The following ABCA8 variants were observed in gnomAD, a reference collection of about 807,000 sequenced individuals.
ABCA8 encodes the protein ATP binding cassette subfamily A member 8.
ABCA8 carries 177 observed loss-of-function variants against 192.3 expected under a neutral mutation model. The ratio of observed to expected loss-of-function variants is 0.92; its 90% CI spans 0.81 to 1.04. The LOEUF is 1.04. Among genes scored for constraint, ABCA8 ranks in the 50% least tolerant of loss-of-function variants. ABCA8 has a pLI of 0.00. For missense variants in ABCA8, 1,915 were observed against 1,904.8 expected, an observed-to-expected ratio of 1.01 and a Z score of -0.10; for synonymous variants, 642 against 690.2, an observed-to-expected ratio of 0.93 and a Z score of 1.09.
At chr17:68,931,987 G>A (rs1250216813) in intron 7 of ABCA8, 1 of 216,052 alleles carries the variant, frequency 4.6e-6, no homozygotes, top group African/African-American at 2.2e-5. Context: ...GAGGTGGGTG[G>A]ATCACGAGGT....
At chr17:68,905,186 G>C (rs577914321) in intron 19 of ABCA8, among the ~76,000 whole-genome samples, 39 of 152,176 alleles carry the variant, frequency 2.6e-4, no homozygotes, top group African/African-American at 9.2e-4. Flanking sequence ...TCTGGCCATT[G>C]TTTACCTCAG....
At chr17:68,920,012 A>G (rs1454438697) in intron 13 of ABCA8, 1 of 152,458 alleles carries the variant, frequency 6.6e-6, no homozygotes, top group African/African-American at 2.4e-5. Flanking sequence ...ATGCCTATCA[A>G]AGACAGACTA....
In ABCA8 at chr17:68,919,301, C is replaced by T; in HGVS notation, c.1788G>A (p.Glu596=). 1.3e-6 allele frequency: 2 copies of T among 1,593,540 alleles called. No individual in the cohort carries two copies. Among genetic ancestry groups the T allele is most frequent in the South Asian group, 1.2e-5 (1 of 86,668 alleles). Residue 596 remains glutamate (E), a splice_region_variant and synonymous_variant, in exon 14 of 40, where the codon GAG becomes GAA. Coordinates refer to ENST00000586539, the MANE Select transcript of ABCA8 (RefSeq NM_001288985.2). ...CATTAACTTTAACATATTTTTGTAC[C>T]TCTTTATCCACTTCTTGTGGCAGAA... ...KGILPQEVDK[E]IQRVLLELEM...
rs1460889283 is a variant in ABCA8 at position 68,918,068 on chromosome 17, C to T, written c.2026G>A (p.Asp676Asn). 6.2e-7 allele frequency: 1 copy of T among 1,614,140 alleles called. No homozygotes were observed. The highest frequency in any genetic ancestry group is 1.3e-5 in the African/African-American group (1 of 75,048). ...RVILFSTQFM[D>N]EADILADRKV... is the part of the protein sequence containing the mutation. The stretch of plus-strand genomic sequence containing the variant: ...TTACCCGCCAGGATGTCGGCCTCAT[C>T]CATGAACTGGGTACTGAAGAGGATC... Residue 676 changes from aspartate to asparagine, a missense_variant, in exon 16 of 40, where the codon GAT becomes AAT. Asp to Asn is a conservative substitution (Grantham distance 23). Coordinates refer to ENST00000586539, the MANE Select transcript of ABCA8 (RefSeq NM_001288985.2).
chr17:68,925,009 A>T, intron 10 of ABCA8, 140 bp from the exon 11 acceptor site: 1 of 720,968 alleles, frequency 1.4e-6, no homozygotes, highest in Non-Finnish European at 2.2e-6. Flanking sequence ...ACGTTTTGAC[A>T]CATGTAGCTT....
At chr17:68,907,379 A>G (rs537015361) in intron 18 of ABCA8, among the ~76,000 whole-genome samples, 2 of 152,190 alleles carry the variant, frequency 1.3e-5, no homozygotes, top group South Asian at 4.2e-4. Flanking sequence ...TTATTGCAAA[A>G]GTCTCACCGA....
rs1286294982 is a variant in ABCA8, at chr17:68,911,821, C to G, written c.2139-3942G>C. 6.6e-6 allele frequency among the ~76,000 whole-genome samples: 1 copy of G among 151,920 alleles called. No homozygotes were observed. Among genetic ancestry groups the G allele is most frequent in the Non-Finnish European group, 1.5e-5 (1 of 68,002 alleles). ...GGAACAAGCATCTCTGCCTGGTAAT[C>G]CAAAGTATTCTCCAAGAGCACCAAA... On this transcript the variant is annotated intron_variant, in intron 17 of 39. Transcript: ENST00000586539. The surrounding 1 kb of genome is among the most constrained non-coding windows in gnomAD (Gnocchi z 5.7).
chr17:68,932,197 G>C lies in ABCA8; in HGVS notation c.797+91C>G, dbSNP rs1353997561. The C allele has an allele frequency of 3.1e-6, 3 of 981,684 alleles. No homozygotes were observed. The East Asian group carries it at 8.0e-5, about 26-fold the overall frequency. 60.8% of individuals were successfully genotyped at this position (981,684 alleles called of 1,614,324 possible). On this transcript the variant is annotated intron_variant, in intron 7 of 39. Coordinates refer to ENST00000586539, the MANE Select transcript of ABCA8 (RefSeq NM_001288985.2). ...TGCACTCCAGCCTGGGCGACAGAGC[G>C]AGACTCCATTTCAAAAAAAAAAAGA... is the stretch of plus-strand genomic sequence containing the variant.
intron 2 of ABCA8, among the ~76,000 whole-genome samples, chr17:68,946,709 C>T (rs1184530727): frequency 1.3e-5 from 2 of 152,116 alleles, no homozygotes; most frequent in East Asian, 3.9e-4. Flanking sequence ...GAGGCTGAGG[C>T]AGGCGGATAA....
intron 2 of ABCA8, chr17:68,944,860 G>C (rs1361914054): frequency 1.3e-5 from 2 of 152,102 alleles, no homozygotes; most frequent in African/African-American, 2.4e-5. Flanking sequence ...TCACCACGGC[G>C]GGGGAGAGGA....
At chr17:68,870,914 T>C (rs1461969947) in intron 37 of ABCA8, among the ~76,000 whole-genome samples, 1 of 152,160 alleles carries the variant, frequency 6.6e-6, no homozygotes, top group Non-Finnish European at 1.5e-5. Context: ...TTTGAGAATC[T>C]ACCATATTGC....
In ABCA8 at chr17:68,868,198, G is replaced by A; in HGVS notation, c.4768-15C>T. ...TCCAGGAAAACCTGAAAGGGAGGAAGGAAATAAAGAGAGGAGAACAATGCC... is the reference window on the plus strand; with the variant it reads ...TCCAGGAAAACCTGAAAGGGAGGAAAGAAATAAAGAGAGGAGAACAATGCC... On this transcript the variant is annotated splice_polypyrimidine_tract_variant and intron_variant, in intron 39 of 39. Coordinates refer to ENST00000586539, the MANE Select transcript of ABCA8 (RefSeq NM_001288985.2). The A allele has an allele frequency of 6.2e-7, 1 of 1,611,564 alleles. No individual in the cohort carries two copies. The highest frequency in any genetic ancestry group is 8.5e-7 in the Non-Finnish European group (1 of 1,178,352).
chr17:68,889,817 T>G (rs1050494705), intron 24 of ABCA8, among the ~76,000 whole-genome samples: 1 of 152,234 alleles, frequency 6.6e-6, no homozygotes, highest in Admixed American at 6.5e-5. Flanking sequence ...CCTAATTATT[T>G]GTGGTTATCA....
At chr17:68,882,838 C>G in intron 29 of ABCA8, 119 bp from the exon 30 acceptor site, 2 of 848,396 alleles carry the variant, frequency 2.4e-6, no homozygotes, top group South Asian at 2.3e-5. Context: ...CATAATCTCC[C>G]TTCACAACTC....
chr17:68,932,315 A>G lies in ABCA8; in HGVS notation c.770T>C (p.Met257Thr), dbSNP rs779573808. 1 of 1,613,672 alleles carries G rather than the reference A, an allele frequency of 6.2e-7. No homozygotes were observed. Among genetic ancestry groups the G allele is most frequent in the East Asian group, 2.2e-5 (1 of 44,858 alleles). The change falls in exon 7 of 40, where the codon ATG becomes ACG. Residue 257 changes from methionine to threonine, a missense_variant. Met to Thr is a moderately conservative substitution (Grantham distance 81). Transcript: ENST00000586539. The stretch of plus-strand genomic sequence containing the variant: ...GAACGCTGAATCCCGAAGACCCATC[A>G]TTGTCATCAAGGCCTTCATCCTTTT... ...ERKRMKALMTMMGLRDSAFWL... is the reference protein window; with the variant it reads ...ERKRMKALMTTMGLRDSAFWL...
At position 68,933,284 on chromosome 17, in the gene ABCA8, A is replaced by G. The variant is rs373167584; in HGVS notation, c.467-13T>C. 4.1e-6 allele frequency: 6 copies of G among 1,476,792 alleles called. No individual in the cohort carries two copies. The Admixed American group carries it at 7.0e-5, about 17-fold the overall frequency. The allele number at this position is 1,476,792 out of a possible 1,614,324, so 91.5% of individuals were successfully genotyped here. A position where few individuals can be genotyped will look rare whatever the true frequency, so the allele number is the denominator to read the frequency against. On this transcript the variant is annotated splice_polypyrimidine_tract_variant and intron_variant, in intron 5 of 39. Coordinates refer to ENST00000586539, the MANE Select transcript of ABCA8 (RefSeq NM_001288985.2). ...TCATAACAATGAGCTTTGTGAAAAA[A>G]CAAATCATAACTATCATTACATCAC...
rs1226475954 is a variant in ABCA8 at position 68,917,356 on chromosome 17, C to G, written c.2138+5G>C. 8 of 1,596,108 alleles carry G rather than the reference C, an allele frequency of 5.0e-6. No individual in the cohort carries two copies. The South Asian group carries it at 9.0e-5, about 18-fold the overall frequency. On this transcript the variant is annotated splice_donor_5th_base_variant and intron_variant, in intron 17 of 39. Coordinates refer to ENST00000586539, the MANE Select transcript of ABCA8 (RefSeq NM_001288985.2). Reference sequence around the variant, plus strand: ...TCTACTCCCAGCCTTCTTAAGTGACCTTACCTTAAGTGATATCCAATCCCC... The same window carrying G: ...TCTACTCCCAGCCTTCTTAAGTGACGTTACCTTAAGTGATATCCAATCCCC...
chr17:68,922,843 T>C (rs1311628156), intron 11 of ABCA8, among the ~76,000 whole-genome samples: 1 of 152,202 alleles, frequency 6.6e-6, no homozygotes, highest in East Asian at 1.9e-4. Context: ...TAGTGCTCTG[T>C]TACCTTAACC....
chr17:68,899,887 A>C (rs1319850497), intron 21 of ABCA8, among the ~76,000 whole-genome samples: 1 of 152,146 alleles, frequency 6.6e-6, no homozygotes. Flanking sequence ...GAAATTAGAA[A>C]ATATTTTGAG....
Sources: allele counts gnomAD v4.1 joint callset (sites outside exome capture counted in the v4.1 genomes callset), GRCh38; gene constraint gnomAD v4.1.1; non-coding constraint Gnocchi (gnomAD v3.1); transcripts MANE v1.5; gene names NCBI Gene and HGNC (gene_info 2026-07-23, HGNC 2026-07-21).